The following IGF1R variants were observed in gnomAD, a reference collection of about 807,000 sequenced individuals.
The protein encoded by IGF1R is insulin like growth factor 1 receptor.
A neutral mutation model predicts 144.6 loss-of-function variants in IGF1R; 44 were observed. The ratio of observed to expected loss-of-function variants is 0.30; its 90% CI spans 0.24 to 0.39. The LOEUF (loss-of-function observed/expected upper bound fraction) is 0.39, where lower values mean the gene tolerates loss of function less well. Ranked by LOEUF, IGF1R falls within the 10% of genes least tolerant of loss-of-function variation. IGF1R has a pLI of 1.00. For synonymous variants in IGF1R, 795 were observed against 722.8 expected (o/e 1.10, Z -1.60); for missense variants, 1,355 against 1,833.7 (o/e 0.74, Z 4.77).
At chr15:98,843,423 C>T (rs1376403209) in intron 2 of IGF1R, among the ~76,000 whole-genome samples, 1 of 152,108 alleles carries the variant, frequency 6.6e-6, no homozygotes, top group Non-Finnish European at 1.5e-5. Context: ...CAGGACAGGG[C>T]CTTCTGGTCG....
At chr15:98,673,765 G>C (rs10902606) in intron 1 of IGF1R, among the ~76,000 whole-genome samples, 139,889 of 152,240 alleles carry the variant, frequency 0.92, 64,539 homozygotes, top group Middle Eastern at 0.97. Flanking sequence ...TTTTTTAAGC[G>C]TGCTGTTCAT....
At chr15:98,946,958 G>C (rs903493378) in intron 19 of IGF1R, among the ~76,000 whole-genome samples, 4 of 152,192 alleles carry the variant, frequency 2.6e-5, no homozygotes, top group Admixed American at 2.6e-4. Flanking sequence ...ATTTTTTGTT[G>C]TTGGAGAGCT....
chr15:98,734,670 T>G (rs968797642), intron 2 of IGF1R: 2 of 152,228 alleles, frequency 1.3e-5, no homozygotes, highest in Non-Finnish European at 2.9e-5. Context: ...GAACATTAAC[T>G]GCCCTTTGTG....
At position 98,935,555 on chromosome 15, in the gene IGF1R, T is replaced by C; in HGVS notation, c.3297+129T>C. The C allele has an allele frequency of 1.4e-6, 1 of 725,010 alleles. No homozygotes were observed. Among genetic ancestry groups the C allele is most frequent in the South Asian group, 1.5e-5 (1 of 67,114 alleles). The allele number at this position is 725,010 out of a possible 1,614,324, so 44.9% of individuals were successfully genotyped here. ...CCAGCATCCAGTGTTTCTTACTGCA[T>C]GCTCAGTTGTAGGTCATTTATGCAA... On this transcript the variant is annotated intron_variant, in intron 17 of 20. Transcript: ENST00000650285. The surrounding 1 kb of genome is among the most constrained non-coding windows in gnomAD (Gnocchi z 4.2).
chr15:98,877,489 C>CTTTTTTTT (rs5814908), intron 2 of IGF1R, among the ~76,000 whole-genome samples: 3 of 85,588 alleles, frequency 3.5e-5, no homozygotes, highest in African/African-American at 4.8e-5. Flanking sequence ...CACTAGCAGC[C>CTTTTTTTT]TTTTTTTTTT....
chr15:98,945,342 C>A (rs1364020015), intron 19 of IGF1R, among the ~76,000 whole-genome samples: 1 of 152,202 alleles, frequency 6.6e-6, no homozygotes, highest in South Asian at 2.1e-4. Context: ...TGGGCCATTG[C>A]TACCATCCCC....
chr15:98,792,144 T>A (rs2056142299), intron 2 of IGF1R, among the ~76,000 whole-genome samples: 1 of 152,240 alleles, frequency 6.6e-6, no homozygotes, highest in Admixed American at 6.5e-5. Flanking sequence ...ACACTTAGGT[T>A]TCAGGTTTGT....
At chr15:98,895,544 G>A (rs1468810579) in intron 3 of IGF1R, among the ~76,000 whole-genome samples, 1 of 152,176 alleles carries the variant, frequency 6.6e-6, no homozygotes, top group East Asian at 1.9e-4. Context: ...AATGGTAGAG[G>A]AAGGACTCTC....
chr15:98,879,014 G>A (rs1329390631), intron 2 of IGF1R, among the ~76,000 whole-genome samples: 3 of 152,084 alleles, frequency 2.0e-5, no homozygotes, highest in Admixed American at 6.5e-5. Flanking sequence ...AAAAAATAGG[G>A]GGGATGTGGG....
intron 1 of IGF1R, among the ~76,000 whole-genome samples, chr15:98,651,424 C>G (rs924337110): frequency 6.6e-6 from 1 of 152,078 alleles, no homozygotes; most frequent in Non-Finnish European, 1.5e-5. Context: ...TTTACTAAGT[C>G]GTTTAGGTGG....
intron 2 of IGF1R, among the ~76,000 whole-genome samples, chr15:98,866,358 C>G (rs576708155): frequency 6.6e-6 from 1 of 152,324 alleles, no homozygotes; most frequent in African/African-American, 2.4e-5. Context: ...GCTTCAGGTT[C>G]TCTTCGGTTT....
intron 2 of IGF1R, among the ~76,000 whole-genome samples, chr15:98,720,264 G>A (rs751112736): frequency 6.6e-6 from 1 of 152,294 alleles, no homozygotes; most frequent in Admixed American, 6.5e-5. Flanking sequence ...TTCATGATCG[G>A]GGGAATTTGC....
intron 2 of IGF1R, among the ~76,000 whole-genome samples, chr15:98,857,386 T>C (rs1335557041): frequency 6.6e-6 from 1 of 152,156 alleles, no homozygotes; most frequent in Non-Finnish European, 1.5e-5. Context: ...ACCCGGCTAA[T>C]TTTTGTATTT....
intron 15 of IGF1R, 30 bp downstream of exon 15, chr15:98,930,335 C>A (rs528510149): frequency 5.2e-6 from 8 of 1,543,608 alleles, no homozygotes; most frequent in Non-Finnish European, 7.2e-6. Flanking sequence ...GCACTGCCAG[C>A]GTGCAGGGCA....
chr15:98,892,145 A>G (rs558966657), intron 3 of IGF1R, among the ~76,000 whole-genome samples: 56 of 152,172 alleles, frequency 3.7e-4, no homozygotes, highest in African/African-American at 1.3e-3. Flanking sequence ...AATAAGGGAC[A>G]TTTTTCCATC....
rs1266675929 is a variant in IGF1R at position 98,959,714 on chromosome 15, G to A, written c.*2272G>A. 7.3e-5 allele frequency: 17 copies of A among 233,536 alleles called. No individual in the cohort carries two copies. The allele number at this position is 233,536 out of a possible 1,614,324, so 14.5% of individuals were successfully genotyped here. A position where few individuals can be genotyped will look rare whatever the true frequency, so the allele number is the denominator to read the frequency against. The stretch of plus-strand genomic sequence containing the variant: ...GCTTCTGGGATAGAAATGTTTAGGA[G>A]TAAGAACAAAGCTGGGATACGGTGA... On this transcript the variant is annotated 3_prime_UTR_variant, in exon 21 of 21. Coordinates refer to ENST00000650285, the MANE Select transcript of IGF1R (RefSeq NM_000875.5).
rs183424563 is a variant in IGF1R at position 98,949,298 on chromosome 15, A to G, written c.3722+590A>G. Among the ~76,000 whole-genome samples the G allele has an allele frequency of 1.6e-4, 24 of 152,050 alleles. No homozygotes were observed. In the East Asian group the frequency reaches 3.5e-3, roughly 22 times the overall value. On this transcript the variant is annotated intron_variant, in intron 20 of 20. Coordinates refer to ENST00000650285, the MANE Select transcript of IGF1R (RefSeq NM_000875.5). ...TCTCCGGAGCTTCATCCGCTGACCA[A>G]TGTGGACCTGGAGCGTGTGTGAGCT...
chr15:98,961,315 A>ATT lies in IGF1R; in HGVS notation c.*3876_*3877dup, dbSNP rs1001070627. ...TTAAACTGTCCGAGTTACTGATGTC[A>ATT]TTTTGTTTTTGTTTTATGTAGGTAG... is the stretch of plus-strand genomic sequence containing the variant. On this transcript the variant is annotated 3_prime_UTR_variant, in exon 21 of 21. Coordinates refer to ENST00000650285, the MANE Select transcript of IGF1R (RefSeq NM_000875.5). 3 of 233,500 alleles carry ATT rather than the reference A, an allele frequency of 1.3e-5. No individual in the cohort carries two copies. Among genetic ancestry groups the ATT allele is most frequent in the African/African-American group, 6.6e-5 (3 of 45,452 alleles). 14.5% of individuals were successfully genotyped at this position (233,500 alleles called of 1,614,324 possible). A position where few individuals can be genotyped will look rare whatever the true frequency, so the allele number is the denominator to read the frequency against.
chr15:98,709,342 G>T (rs145019657), intron 2 of IGF1R, among the ~76,000 whole-genome samples: 26 of 152,308 alleles, frequency 1.7e-4, no homozygotes, highest in African/African-American at 6.3e-4. Flanking sequence ...GATCTGCCAC[G>T]CACTTTTCTA....
Sources: allele counts gnomAD v4.1 joint callset (sites outside exome capture counted in the v4.1 genomes callset), GRCh38; gene constraint gnomAD v4.1.1; non-coding constraint Gnocchi (gnomAD v3.1); transcripts MANE v1.5; gene names NCBI Gene and HGNC (gene_info 2026-07-23, HGNC 2026-07-21).